The following TTC23L variants were observed in gnomAD, a reference collection of about 807,000 sequenced individuals.
The protein encoded by TTC23L is tetratricopeptide repeat domain 23 like, also known as tetratricopeptide repeat protein 23-like.
In TTC23L, 42 loss-of-function variants were observed where a neutral mutation model predicts 48.1. The ratio of observed to expected loss-of-function variants is 0.87; its 90% CI spans 0.68 to 1.13. The LOEUF is 1.13. Among genes scored for constraint, TTC23L ranks in the 50% most tolerant of loss-of-function variants. TTC23L has a pLI of 0.00. For missense variants in TTC23L, 391 were observed against 421.0 expected (o/e 0.93, Z 0.62); for synonymous variants, 159 against 157.2 (o/e 1.01, Z -0.09).
chr5:34,894,871 G>A (rs1763101708), intron 9 of TTC23L, among the ~76,000 whole-genome samples: 1 of 149,922 alleles, frequency 6.7e-6, no homozygotes, highest in South Asian at 2.1e-4. Flanking sequence ...AATTAGAGAT[G>A]ATGAGAGTGT....
chr5:34,875,439 T>A (rs1236799864), intron 8 of TTC23L, among the ~76,000 whole-genome samples: 1 of 152,078 alleles, frequency 6.6e-6, no homozygotes, highest in African/African-American at 2.4e-5. Flanking sequence ...AAGTCTGATG[T>A]TTGGGGGTAG....
downstream of TTC23L, chr5:34,902,522 A>AT: frequency 5.2e-6 from 1 of 191,154 alleles, no homozygotes; most frequent in South Asian, 8.2e-5. Flanking sequence ...ACAGAACCAC[A>AT]TTTTGGTTCT....
chr5:34,853,742 G>C (rs1180031640), intron 4 of TTC23L, among the ~76,000 whole-genome samples: 1 of 152,188 alleles, frequency 6.6e-6, no homozygotes, highest in Non-Finnish European at 1.5e-5. Flanking sequence ...ATAAGGTAAT[G>C]GCTGAGGAGA....
At chr5:34,901,150 TTCA>T (rs1763499540), downstream of TTC23L, among the ~76,000 whole-genome samples, 1 of 152,188 alleles carries the variant, frequency 6.6e-6, no homozygotes, top group African/African-American at 2.4e-5. Context: ...ATTTTATGCA[TTCA>T]TACCTTTTAA....
chr5:34,921,711 G>C, the TTC23L span: 1 of 152,622 alleles, frequency 6.6e-6, no homozygotes, highest in Middle Eastern at 3.4e-3. Flanking sequence ...TTCAAGACCA[G>C]CCAGACCAAC....
chr5:34,908,893 C>T, the TTC23L span: 1 of 1,612,362 alleles, frequency 6.2e-7, no homozygotes, highest in Non-Finnish European at 8.5e-7. Context: ...CGAATAGATA[C>T]CTTACAAGAT....
the TTC23L span, among the ~76,000 whole-genome samples, chr5:34,910,394 C>G: frequency 3.9e-5 from 6 of 152,036 alleles, no homozygotes; most frequent in African/African-American, 1.4e-4. Flanking sequence ...TTTTAACTCC[C>G]CAAAGTCATG....
chr5:34,923,128 A>G, the TTC23L span: 1 of 1,610,722 alleles, frequency 6.2e-7, no homozygotes, highest in Middle Eastern at 1.7e-4. Context: ...CACTTTTTTA[A>G]CTAGATCTTT....
intron 9 of TTC23L, among the ~76,000 whole-genome samples, chr5:34,885,269 A>G (rs1403316539): frequency 6.6e-6 from 1 of 152,256 alleles, no homozygotes; most frequent in Non-Finnish European, 1.5e-5. Flanking sequence ...AATGCAATAC[A>G]TGATGATTAG....
At chr5:34,865,815 G>A (rs1761008777) in intron 6 of TTC23L, among the ~76,000 whole-genome samples, 1 of 152,146 alleles carries the variant, frequency 6.6e-6, no homozygotes, top group Non-Finnish European at 1.5e-5. Flanking sequence ...CTCAGTAGCT[G>A]AGACCACAGG....
chr5:34,840,642 T>C, intron 1 of TTC23L, 23 bp from the exon 2 acceptor site: 1 of 1,610,342 alleles, frequency 6.2e-7, no homozygotes, highest in Non-Finnish European at 8.5e-7. Context: ...CTCTCAAAGC[T>C]GACCTTACCT....
intron 9 of TTC23L, among the ~76,000 whole-genome samples, chr5:34,888,957 T>C (rs995095884): frequency 1.3e-5 from 2 of 152,202 alleles, no homozygotes; most frequent in Non-Finnish European, 2.9e-5. Flanking sequence ...GATACAGTTG[T>C]CTCCAAAGTT....
rs188393831 is a variant in TTC23L, at chr5:34,863,977, T to G, written c.537-460T>G. ...TGGGAAATAGAAGAATGTTTGGGAA[T>G]TAAGGGGATTTTTGCTTTTCTGCTG... On this transcript the variant is annotated intron_variant, in intron 5 of 10. Transcript: ENST00000505624. This position sits in a 1 kb window ranked among gnomAD's most constrained non-coding sequence, Gnocchi z 4.1. Among the ~76,000 whole-genome samples, 10 of 152,326 alleles carry G rather than the reference T, an allele frequency of 6.6e-5. No homozygotes were observed. Among genetic ancestry groups the G allele is most frequent in the Admixed American group, 1.3e-4 (2 of 15,302 alleles).
At chr5:34,845,326 C>T (rs1200674338) in intron 2 of TTC23L, among the ~76,000 whole-genome samples, 161 bp from the exon 3 acceptor site, 2 of 152,190 alleles carry the variant, frequency 1.3e-5, no homozygotes, top group Non-Finnish European at 2.9e-5. Context: ...TAATGCTAGG[C>T]TTTGAGGGCG....
chr5:34,876,912 A>G (rs1213193002), intron 8 of TTC23L, among the ~76,000 whole-genome samples: 1 of 152,096 alleles, frequency 6.6e-6, no homozygotes, highest in Admixed American at 6.5e-5. Context: ...GGGTGCAGCA[A>G]ACCACCAAGG....
intron 9 of TTC23L, among the ~76,000 whole-genome samples, chr5:34,887,557 CT>C (rs1762615643): frequency 6.6e-6 from 1 of 152,126 alleles, no homozygotes; most frequent in African/African-American, 2.4e-5. Flanking sequence ...ATTCCTGAGT[CT>C]CACCCCAGAC....
chr5:34,880,410 A>G, intron 9 of TTC23L, 102 bp downstream of exon 9: 1 of 1,217,430 alleles, frequency 8.2e-7, no homozygotes, highest in African/African-American at 1.5e-5. Context: ...GATAGGTCCC[A>G]GATAAAACTA....
At chr5:34,919,896 A>G in the TTC23L span, 25 of 1,035,920 alleles carry the variant, frequency 2.4e-5, no homozygotes, top group Non-Finnish European at 3.2e-5. Context: ...AATTTTGGAA[A>G]GTAATTGCAA....
At chr5:34,892,553 C>A (rs556036511) in intron 9 of TTC23L, among the ~76,000 whole-genome samples, 3 of 152,086 alleles carry the variant, frequency 2.0e-5, no homozygotes, top group Non-Finnish European at 4.4e-5. Context: ...ACATGTATGA[C>A]CAGATTACAA....
Sources: allele counts gnomAD v4.1 joint callset (sites outside exome capture counted in the v4.1 genomes callset), GRCh38; gene constraint gnomAD v4.1.1; non-coding constraint Gnocchi (gnomAD v3.1); transcripts MANE v1.5; gene names NCBI Gene and HGNC (gene_info 2026-07-23, HGNC 2026-07-21).